GHITM: variants seen among roughly 807,000 people sequenced by gnomAD.
The protein encoded by GHITM is growth hormone-inducible transmembrane protein.
A neutral mutation model predicts 38.7 loss-of-function variants in GHITM; 24 were observed. That is an observed-to-expected ratio of 0.62 (90% confidence interval 0.45 to 0.87). GHITM has a LOEUF of 0.87. GHITM is among the 40% of genes least tolerant of loss of function. The pLI is 0.00. For missense variants in GHITM, 420 were observed against 429.8 expected, an observed-to-expected ratio of 0.98 and a Z score of 0.20; for synonymous variants, 154 against 147.8, an observed-to-expected ratio of 1.04 and a Z score of -0.30.
chr10:84,152,593 GT>G lies in GHITM; in HGVS notation c.*249del, dbSNP rs568094249. 2.0e-4 allele frequency: 74 copies of G among 361,218 alleles called. No homozygotes were observed. Among genetic ancestry groups the G allele is most frequent in the African/African-American group, 1.5e-3 (70 of 47,884 alleles). The allele number at this position is 361,218 out of a possible 1,614,324, so 22.4% of individuals were successfully genotyped here. A position where few individuals can be genotyped will look rare whatever the true frequency, so the allele number is the denominator to read the frequency against. On this transcript the variant is annotated 3_prime_UTR_variant, in exon 9 of 9. Transcript: ENST00000372134. ...TCTCATGTTTGAGTGATTTTAAAAT[GT>G]TTTGGTGAATGTGAAAACTAAAGTT...
intron 4 of GHITM, among the ~76,000 whole-genome samples, chr10:84,144,456 G>A (rs2132737329): frequency 6.6e-6 from 1 of 152,212 alleles, no homozygotes; most frequent in Middle Eastern, 3.4e-3. Context: ...CCTGGGTTCA[G>A]GCAATTCTCC....
chr10:84,142,086 A>G lies in GHITM; in HGVS notation c.129+457A>G, dbSNP rs181137018. Among the ~76,000 whole-genome samples the G allele has an allele frequency of 8.2e-3, 1,253 of 152,314 alleles. 5 individuals carry two copies. Among genetic ancestry groups the G allele is most frequent in the Non-Finnish European group, 0.014 (949 of 68,022 alleles). On this transcript the variant is annotated intron_variant, in intron 2 of 8. Coordinates refer to ENST00000372134, the MANE Select transcript of GHITM (RefSeq NM_014394.3). ...AATAGATTTATCTTCTGGCATTCAG[A>G]TTATAAGGTTTGAAGTGTGAGGTAA...
chr10:84,144,058 A>G lies in GHITM; in HGVS notation c.293A>G (p.Tyr98Cys), dbSNP rs1372747491. The change falls in exon 4 of 9, where the codon TAC becomes TGC. Residue 98 changes from tyrosine (Y) to cysteine (C), a missense_variant. Transcript: ENST00000372134. The part of the protein sequence containing the change: ...GAAVGLGALC[Y>C]YGLGLSNEIG... Reference sequence around the variant, plus strand: ...GCTGTTGGTCTTGGAGCATTGTGCTACTATGGCTTGGGACTGTCTAATGAG... The same window carrying G: ...GCTGTTGGTCTTGGAGCATTGTGCTGCTATGGCTTGGGACTGTCTAATGAG... 17 of 1,614,080 alleles carry G rather than the reference A, an allele frequency of 1.1e-5. No individual in the cohort carries two copies. The highest frequency in any genetic ancestry group is 1.4e-5 in the Non-Finnish European group (16 of 1,179,916).
In GHITM at chr10:84,148,186, A is replaced by C. The variant is rs1841575204; in HGVS notation, c.484-544A>C. ...CATTTGAAGCTGTCTGCAAAACCTC[A>C]TATATGGCAGTAGGGGGCACTCGTG... is the stretch of plus-strand genomic sequence containing the variant. On this transcript the variant is annotated intron_variant, in intron 5 of 8. Transcript: ENST00000372134. Among the ~76,000 whole-genome samples the C allele has an allele frequency of 2.0e-5, 3 of 152,234 alleles. No individual in the cohort carries two copies. The South Asian group carries it at 6.2e-4, about 31-fold the overall frequency.
At chr10:84,145,299 T>C (rs1460482687) in intron 5 of GHITM, among the ~76,000 whole-genome samples, 1 of 152,194 alleles carries the variant, frequency 6.6e-6, no homozygotes, top group Non-Finnish European at 1.5e-5. Context: ...TGAAGTGTAA[T>C]GATAAATAGT....
intron 3 of GHITM, 36 bp from the exon 4 acceptor site, chr10:84,143,959 C>A: frequency 7.9e-7 from 1 of 1,266,388 alleles, no homozygotes; most frequent in Non-Finnish European, 1.2e-6. Flanking sequence ...TCCAGATGTG[C>A]CAGTACTAAC....
intron 7 of GHITM, 52 bp from the exon 8 acceptor site, chr10:84,150,657 T>G: frequency 7.1e-7 from 1 of 1,414,630 alleles, no homozygotes; most frequent in Non-Finnish European, 9.7e-7. Flanking sequence ...ATAAACTCAG[T>G]TATCGGAAAT....
intron 6 of GHITM, among the ~76,000 whole-genome samples, chr10:84,149,763 G>A (rs932142350): frequency 6.6e-6 from 1 of 152,266 alleles, no homozygotes; most frequent in African/African-American, 2.4e-5. Context: ...GAAACTAGTG[G>A]TAAGCTCAGA....
intron 3 of GHITM, 84 bp from the exon 4 acceptor site, chr10:84,143,911 A>G: frequency 1.0e-6 from 1 of 953,838 alleles, no homozygotes; most frequent in Non-Finnish European, 1.7e-6. Context: ...AATATGGTAC[A>G]TGATTTGATT....
In GHITM at chr10:84,142,359, A is replaced by T. The variant is rs1267031224; in HGVS notation, c.130-296A>T. Among the ~76,000 whole-genome samples the T allele has an allele frequency of 2.6e-5, 4 of 152,256 alleles. 1 individual carries two copies. Among genetic ancestry groups the T allele is most frequent in the Non-Finnish European group, 5.9e-5 (4 of 68,044 alleles). On this transcript the variant is annotated intron_variant, in intron 2 of 8. Coordinates refer to ENST00000372134, the MANE Select transcript of GHITM (RefSeq NM_014394.3). ...TTAGGATTTAAAATATAACAATTCTAGGTATGTAAATCTATAGTTTGTGAA... is the reference window on the plus strand; with the variant it reads ...TTAGGATTTAAAATATAACAATTCTTGGTATGTAAATCTATAGTTTGTGAA...
At chr10:84,140,700 C>T (rs1841497677) in intron 1 of GHITM, 1 of 151,914 alleles carries the variant, frequency 6.6e-6, no homozygotes, top group Admixed American at 6.6e-5. Context: ...CTGCTGACTT[C>T]TGGTTGACCA....
intron 3 of GHITM, among the ~76,000 whole-genome samples, chr10:84,143,678 A>G (rs1376614130): frequency 6.6e-6 from 1 of 152,106 alleles, no homozygotes; most frequent in African/African-American, 2.4e-5. Context: ...ATATACTTCA[A>G]CCTCTTATTA....
At chr10:84,141,437 T>A in intron 1 of GHITM, 25 bp from the exon 2 acceptor site, 1 of 1,529,444 alleles carries the variant, frequency 6.5e-7, no homozygotes, top group Middle Eastern at 1.7e-4. Context: ...TTTTTTTGGT[T>A]GGTTTTGCCT....
At chr10:84,141,730 G>C in intron 2 of GHITM, 101 bp downstream of exon 2, 1 of 1,094,952 alleles carries the variant, frequency 9.1e-7, no homozygotes, top group African/African-American at 1.5e-5. Flanking sequence ...TTATACGTCA[G>C]TTAGCCCTGA....
intron 5 of GHITM, among the ~76,000 whole-genome samples, chr10:84,147,902 TGA>T (rs1383744892): frequency 6.6e-6 from 1 of 152,194 alleles, no homozygotes; most frequent in Non-Finnish European, 1.5e-5. Flanking sequence ...CCATGTGCTG[TGA>T]TAATCTACTT....
intron 8 of GHITM, among the ~76,000 whole-genome samples, chr10:84,151,171 A>G (rs1416865938): frequency 6.6e-6 from 1 of 152,156 alleles, no homozygotes; most frequent in East Asian, 1.9e-4. Flanking sequence ...TGGCTTGTAG[A>G]TGGATCATTC....
chr10:84,141,630 G>GTAA lies in GHITM; in HGVS notation c.129+2_129+4dup. The GTAA allele has an allele frequency of 6.2e-7, 1 of 1,613,646 alleles. No individual in the cohort carries two copies. Among genetic ancestry groups the GTAA allele is most frequent in the Non-Finnish European group, 8.5e-7 (1 of 1,179,582 alleles). Reference sequence around the variant, plus strand: ...TCAATGGCTGTTAACACCTAGCAGGGTAAAGATAATCTGAATGTTTTTATA... The same window carrying GTAA: ...TCAATGGCTGTTAACACCTAGCAGGGTAATAAAGATAATCTGAATGTTTTTATA... On this transcript the variant is annotated splice_donor_variant, in intron 2 of 8. Coordinates refer to ENST00000372134, the MANE Select transcript of GHITM (RefSeq NM_014394.3). LOFTEE classifies it high-confidence loss of function.
rs1404104613 is a variant in GHITM, at chr10:84,141,580, T to C, written c.80T>C (p.Val27Ala). 2 of 1,613,770 alleles carry C rather than the reference T, an allele frequency of 1.2e-6. No homozygotes were observed. Residue 27 changes from valine to alanine, a missense_variant, in exon 2 of 9, where the codon GTT becomes GCT. By Grantham distance (64) the Val-to-Ala change is moderately conservative. Coordinates refer to ENST00000372134, the MANE Select transcript of GHITM (RefSeq NM_014394.3). ...CCAGCTTTCACCAAGGCCTCCCCTG[T>C]TGTGAAGAATTCCATCACGAAGAAT... ...FHPAFTKASP[V>A]VKNSITKNQW...
At chr10:84,141,090 G>C (rs918726607) in intron 1 of GHITM, among the ~76,000 whole-genome samples, 1 of 152,170 alleles carries the variant, frequency 6.6e-6, no homozygotes, top group Admixed American at 6.5e-5. Context: ...CCCACTGGAT[G>C]CTGGTATAAA....
Sources: allele counts gnomAD v4.1 joint callset (sites outside exome capture counted in the v4.1 genomes callset), GRCh38; gene constraint gnomAD v4.1.1; transcripts MANE v1.5; gene names NCBI Gene and HGNC (gene_info 2026-07-23, HGNC 2026-07-21).